STIM1: variants seen among roughly 807,000 people sequenced by gnomAD.
The protein encoded by STIM1 is stromal interaction molecule 1.
In STIM1, 25 loss-of-function variants were observed where a neutral mutation model predicts 74.7. That is an observed-to-expected ratio of 0.33 (90% CI 0.24 to 0.47). The LOEUF (loss-of-function observed/expected upper bound fraction) is 0.47, where lower values mean the gene tolerates loss of function less well. STIM1 is among the 20% of genes least tolerant of loss of function. The probability of loss-of-function intolerance (pLI) is 1.00; values close to 1 mark genes in which losing one functional copy is unlikely to be tolerated. For synonymous variants in STIM1, 328 were observed against 348.8 expected (o/e 0.94, Z 0.66); for missense variants, 728 against 920.8 (o/e 0.79, Z 2.71).
chr11:4,045,762 C>CTTTTTTTTTTT (rs35939527), intron 3 of STIM1, among the ~76,000 whole-genome samples: 11 of 104,510 alleles, frequency 1.1e-4, no homozygotes, highest in African/African-American at 3.7e-4. Context: ...CTCAACACTT[C>CTTTTTTTTTTT]TTTTTTTTTT....
intron 1 of STIM1, among the ~76,000 whole-genome samples, chr11:3,875,478 C>T (rs1043614271): frequency 1.3e-5 from 2 of 152,150 alleles, no homozygotes; most frequent in African/African-American, 4.8e-5. Flanking sequence ...GTAATCCCAG[C>T]ACTTTGGGAG....
intron 1 of STIM1, among the ~76,000 whole-genome samples, chr11:3,925,691 TATAA>T (rs2092779436): frequency 6.6e-6 from 1 of 152,338 alleles, no homozygotes; most frequent in South Asian, 2.1e-4. Flanking sequence ...TGCCTGCTTG[TATAA>T]ATAAAGTTTT....
intron 1 of STIM1, among the ~76,000 whole-genome samples, chr11:3,916,808 G>A (rs969331853): frequency 1.3e-5 from 2 of 151,954 alleles, no homozygotes; most frequent in South Asian, 2.1e-4. Flanking sequence ...GGCTGTTCTC[G>A]AACTCCTGAC....
At chr11:3,970,543 G>T (rs1287317046) in intron 2 of STIM1, among the ~76,000 whole-genome samples, 2 of 145,768 alleles carry the variant, frequency 1.4e-5, no homozygotes, top group African/African-American at 5.0e-5. Context: ...GACCTGAAGG[G>T]TTTTTTTTTT....
chr11:3,970,660 G>A lies in STIM1; in HGVS notation c.270+2978G>A, dbSNP rs140403521. 4.7e-3 allele frequency among the ~76,000 whole-genome samples: 708 copies of A among 151,318 alleles called. 4 individuals carry two copies. The highest frequency in any genetic ancestry group is 0.016 in the African/African-American group (674 of 41,192). On this transcript the variant is annotated intron_variant, in intron 2 of 12. Coordinates refer to ENST00000526596, the MANE Select transcript of STIM1 (RefSeq NM_001382567.1). Reference sequence around the variant, plus strand: ...TTTCATAAGATATTAAACAAAGCTAGCCATCATCTCAAGTTATTTCCTTGT... The same window carrying A: ...TTTCATAAGATATTAAACAAAGCTAACCATCATCTCAAGTTATTTCCTTGT...
chr11:4,080,767 C>T (rs2094461510), intron 7 of STIM1, among the ~76,000 whole-genome samples: 1 of 152,178 alleles, frequency 6.6e-6, no homozygotes, highest in African/African-American at 2.4e-5. Flanking sequence ...TGCCTAGCTC[C>T]CAACAGTTTT....
intron 1 of STIM1, among the ~76,000 whole-genome samples, chr11:3,887,774 C>G (rs987363991): frequency 6.6e-6 from 1 of 152,012 alleles, no homozygotes; most frequent in East Asian, 1.9e-4. Flanking sequence ...TGAGACCATC[C>G]TGGCTAACAT....
chr11:4,048,623 T>C (rs2094212635), intron 3 of STIM1, among the ~76,000 whole-genome samples: 1 of 152,206 alleles, frequency 6.6e-6, no homozygotes, highest in African/African-American at 2.4e-5. Context: ...CCTTGTGTAT[T>C]GTGTATTAAG....
At position 3,874,078 on chromosome 11, in the gene STIM1, GA is replaced by G. The variant is rs142722659; in HGVS notation, c.139+17670del. 6.9e-3 allele frequency among the ~76,000 whole-genome samples: 1,055 copies of G among 152,334 alleles called. 14 individuals carry two copies. Among genetic ancestry groups the G allele is most frequent in the African/African-American group, 0.023 (968 of 41,562 alleles). On this transcript the variant is annotated intron_variant, in intron 1 of 12. Coordinates refer to ENST00000526596, the MANE Select transcript of STIM1 (RefSeq NM_001382567.1). ...GAGCTATTTTTCCTGGGGAGCTGAGGAGTGGGTTTCCATTTCCTAATCTACT... is the reference window on the plus strand; with the variant it reads ...GAGCTATTTTTCCTGGGGAGCTGAGGGTGGGTTTCCATTTCCTAATCTACT...
At chr11:4,049,516 A>T (rs1005184653) in intron 3 of STIM1, 5 of 151,208 alleles carry the variant, frequency 3.3e-5, no homozygotes, top group Non-Finnish European at 7.4e-5. Context: ...TTTTGTAGAT[A>T]TGTGGTCTCC....
intron 3 of STIM1, among the ~76,000 whole-genome samples, chr11:4,036,108 T>C (rs2094099595): frequency 6.6e-6 from 1 of 152,186 alleles, no homozygotes; most frequent in African/African-American, 2.4e-5. Flanking sequence ...CATGCACTGT[T>C]TGGTTTTCCA....
At chr11:3,971,231 G>GAAA (rs771888539) in intron 2 of STIM1, among the ~76,000 whole-genome samples, 10 of 113,664 alleles carry the variant, frequency 8.8e-5, no homozygotes, top group African/African-American at 2.8e-4. Flanking sequence ...AAACAAGTAT[G>GAAA]AAAAAAAAAA....
intron 1 of STIM1, among the ~76,000 whole-genome samples, chr11:3,899,396 T>A (rs2092282493): frequency 6.6e-6 from 1 of 152,242 alleles, no homozygotes; most frequent in Admixed American, 6.5e-5. Context: ...AAGTTGCTTA[T>A]CAGCTTAAGG....
chr11:3,961,348 GA>G, intron 1 of STIM1: 1 of 242,622 alleles, frequency 4.1e-6, no homozygotes. Context: ...ACCAGATGAG[GA>G]AGGACTGAAA....
At chr11:4,021,505 A>G (rs1318939118) in intron 2 of STIM1, among the ~76,000 whole-genome samples, 1 of 152,242 alleles carries the variant, frequency 6.6e-6, no homozygotes, top group Non-Finnish European at 1.5e-5. Flanking sequence ...GGCTATACAT[A>G]TGTGGATTTT....
chr11:4,083,593 A>C (rs528444559), intron 10 of STIM1, 95 bp downstream of exon 10: 2 of 1,176,554 alleles, frequency 1.7e-6, no homozygotes, highest in Admixed American at 2.0e-5. Context: ...CAGATGGGGC[A>C]GATACCCAGG....
intron 3 of STIM1, among the ~76,000 whole-genome samples, chr11:4,048,980 C>T (rs537247618): frequency 4.9e-4 from 74 of 152,278 alleles, no homozygotes; most frequent in African/African-American, 1.3e-3. Context: ...GTGATCTGCC[C>T]GCCTCGGCCT....
intron 1 of STIM1, among the ~76,000 whole-genome samples, chr11:3,877,033 G>T (rs972352519): frequency 6.6e-6 from 1 of 152,074 alleles, no homozygotes; most frequent in African/African-American, 2.4e-5. Flanking sequence ...AGGATTAGCT[G>T]GTTATTGGGA....
intron 1 of STIM1, among the ~76,000 whole-genome samples, chr11:3,904,667 G>T (rs756561052): frequency 6.6e-6 from 1 of 152,152 alleles, no homozygotes; most frequent in Non-Finnish European, 1.5e-5. Context: ...CTGGAACAAG[G>T]GTAGTGGTCA....
Sources: allele counts gnomAD v4.1 joint callset (sites outside exome capture counted in the v4.1 genomes callset), GRCh38; gene constraint gnomAD v4.1.1; transcripts MANE v1.5; gene names NCBI Gene and HGNC (gene_info 2026-07-23, HGNC 2026-07-21).